Variants in KALRN observed in about 807,000 individuals in gnomAD.
The protein encoded by KALRN is kalirin.
KALRN carries 70 observed loss-of-function variants against 353.7 expected under a neutral mutation model. The ratio of observed to expected loss-of-function variants is 0.20; its 90% CI spans 0.16 to 0.24. The LOEUF is 0.24. KALRN is among the 10% of genes least tolerant of loss of function. The probability of loss-of-function intolerance (pLI) is 1.00; values close to 1 mark genes in which losing one functional copy is unlikely to be tolerated. For synonymous variants in KALRN, 1,391 were observed against 1,434.8 expected (o/e 0.97, Z 0.69); for missense variants, 2,791 against 3,756.7 (o/e 0.74, Z 6.72).
At chr3:124,213,535 T>C (rs1324144847) in intron 1 of KALRN, among the ~76,000 whole-genome samples, 1 of 152,182 alleles carries the variant, frequency 6.6e-6, no homozygotes, top group Non-Finnish European at 1.5e-5. Context: ...TTTATCTATT[T>C]GTTTTTATAG....
intron 3 of KALRN, among the ~76,000 whole-genome samples, chr3:124,251,895 G>A (rs1341320613): frequency 1.3e-5 from 2 of 152,154 alleles, no homozygotes; most frequent in Non-Finnish European, 2.9e-5. Context: ...CCACATCCCT[G>A]TTCCAGGTGT....
At chr3:124,434,248 C>T in intron 16 of KALRN, 59 bp from the exon 17 acceptor site, 1 of 1,367,596 alleles carries the variant, frequency 7.3e-7, no homozygotes, top group Non-Finnish European at 1.0e-6. Flanking sequence ...CACTCCACCC[C>T]CTCCCATACC....
rs1056825579 is a variant in KALRN at position 124,215,792 on chromosome 3, C to G, written c.74-12198C>G. ...AGAGCTTGCTGTCTTAAGTAGAAGA[C>G]AGCATGATGAGCAAGTAATGGCCAG... On this transcript the variant is annotated intron_variant, in intron 1 of 59. Coordinates refer to ENST00000682506, the MANE Select transcript of KALRN (RefSeq NM_001388419.1). Among the ~76,000 whole-genome samples the G allele has an allele frequency of 3.3e-5, 5 of 152,132 alleles. No individual in the cohort carries two copies. In the South Asian group the frequency reaches 1.0e-3, roughly 32 times the overall value.
chr3:124,102,245 G>C (rs550079826), intron 1 of KALRN, among the ~76,000 whole-genome samples: 12 of 152,206 alleles, frequency 7.9e-5, no homozygotes, highest in Admixed American at 5.9e-4. Flanking sequence ...GTCTAATAAA[G>C]AGTTTGAACA....
intron 1 of KALRN, among the ~76,000 whole-genome samples, chr3:124,219,100 T>C (rs941555280): frequency 1.3e-5 from 2 of 152,226 alleles, no homozygotes; most frequent in African/African-American, 2.4e-5. Flanking sequence ...ACTTTTTACG[T>C]AGAAGGTGTC....
intron 6 of KALRN, among the ~76,000 whole-genome samples, chr3:124,308,503 G>C (rs1009285120): frequency 2.0e-5 from 3 of 151,590 alleles, no homozygotes; most frequent in Non-Finnish European, 4.4e-5. Flanking sequence ...ATTAGAAATC[G>C]GTAACAGAAA....
chr3:124,335,200 C>T (rs1160795054), intron 9 of KALRN, among the ~76,000 whole-genome samples: 1 of 152,124 alleles, frequency 6.6e-6, no homozygotes, highest in Non-Finnish European at 1.5e-5. Context: ...ACATACGGTC[C>T]ATCTGGGATG....
intron 5 of KALRN, among the ~76,000 whole-genome samples, chr3:124,277,489 T>C (rs1480627263): frequency 6.6e-6 from 1 of 152,172 alleles, no homozygotes; most frequent in Non-Finnish European, 1.5e-5. Flanking sequence ...ACTTACTTTT[T>C]CTCATTTCCT....
intron 3 of KALRN, among the ~76,000 whole-genome samples, chr3:124,240,946 A>G (rs78914920): frequency 6.6e-6 from 1 of 152,140 alleles, no homozygotes; most frequent in African/African-American, 2.4e-5. Flanking sequence ...TAATAGTAAT[A>G]ATGATAATAA....
intron 1 of KALRN, among the ~76,000 whole-genome samples, chr3:124,076,140 G>A (rs2060248599): frequency 6.6e-6 from 1 of 152,202 alleles, no homozygotes; most frequent in Non-Finnish European, 1.5e-5. Flanking sequence ...AGTTTCTAAG[G>A]AGCCCAATTG....
intron 33 of KALRN, among the ~76,000 whole-genome samples, chr3:124,506,714 T>A (rs1387813390): frequency 1.3e-5 from 2 of 152,214 alleles, no homozygotes; most frequent in Non-Finnish European, 2.9e-5. Flanking sequence ...TTTTACTACA[T>A]CTGTACCCTC....
At chr3:124,644,691 G>C (rs898441914) in intron 37 of KALRN, among the ~76,000 whole-genome samples, 3 of 152,220 alleles carry the variant, frequency 2.0e-5, no homozygotes, top group African/African-American at 7.2e-5. Context: ...ATTCCATGGT[G>C]TATATGTGCC....
At chr3:124,163,390 T>A (rs2070318512) in intron 1 of KALRN, 2 of 154,912 alleles carry the variant, frequency 1.3e-5, no homozygotes, top group African/African-American at 4.8e-5. Flanking sequence ...TTTGAAGATA[T>A]AAGGGAACCA....
chr3:124,441,136 T>C (rs1468143101), intron 18 of KALRN, among the ~76,000 whole-genome samples: 1 of 152,218 alleles, frequency 6.6e-6, no homozygotes, highest in Non-Finnish European at 1.5e-5. Flanking sequence ...GAAAAATGTT[T>C]GTAATTTCCA....
chr3:124,604,875 G>T (rs1327422762), intron 34 of KALRN, among the ~76,000 whole-genome samples: 1 of 151,320 alleles, frequency 6.6e-6, no homozygotes, highest in Non-Finnish European at 1.5e-5. Context: ...AAAAAATTAG[G>T]CCGGGTGCAG....
At chr3:124,439,141 TTCTCTTTCTCTC>T (rs1433777481) in intron 18 of KALRN, 104 bp downstream of exon 18, 1 of 1,161,532 alleles carries the variant, frequency 8.6e-7, no homozygotes, top group Non-Finnish European at 1.2e-6. Flanking sequence ...TTCTCTCTCT[TTCTCTTTCTCTC>T]TCTTTCTCTT....
At chr3:124,540,930 C>T (rs974873918) in intron 33 of KALRN, among the ~76,000 whole-genome samples, 1 of 152,196 alleles carries the variant, frequency 6.6e-6, no homozygotes, top group Non-Finnish European at 1.5e-5. Flanking sequence ...CTCCCTATTA[C>T]TCTGGGCTGA....
chr3:124,568,688 C>T (rs2073155086), intron 34 of KALRN, among the ~76,000 whole-genome samples: 1 of 152,108 alleles, frequency 6.6e-6, no homozygotes, highest in Admixed American at 6.5e-5. Flanking sequence ...TAACACATGC[C>T]ACAACATGAA....
intron 1 of KALRN, among the ~76,000 whole-genome samples, chr3:124,069,891 G>C (rs1182637931): frequency 2.0e-5 from 3 of 152,110 alleles, no homozygotes; most frequent in African/African-American, 7.2e-5. Flanking sequence ...GAGTGGGGCG[G>C]CCAAGATATT....
Sources: allele counts gnomAD v4.1 joint callset (sites outside exome capture counted in the v4.1 genomes callset), GRCh38; gene constraint gnomAD v4.1.1; transcripts MANE v1.5; gene names NCBI Gene and HGNC (gene_info 2026-07-23, HGNC 2026-07-21).